GRID2: variants seen among roughly 807,000 people sequenced by gnomAD.
GRID2 encodes glutamate receptor ionotropic, delta-2.
GRID2 carries 33 observed loss-of-function variants against 114.8 expected under a neutral mutation model. That is an observed-to-expected ratio of 0.29 (90% CI 0.22 to 0.38). The LOEUF (loss-of-function observed/expected upper bound fraction) is 0.38. Among genes scored for constraint, GRID2 ranks in the 10% least tolerant of loss-of-function variants. The pLI is 1.00. For synonymous variants in GRID2, 505 were observed against 449.9 expected (o/e 1.12, Z -1.55); for missense variants, 1,184 against 1,257.7 (o/e 0.94, Z 0.89).
intron 1 of GRID2, among the ~76,000 whole-genome samples, chr4:92,379,960 T>C (rs1729536356): frequency 6.6e-6 from 1 of 151,972 alleles, no homozygotes; most frequent in East Asian, 1.9e-4. Flanking sequence ...TACTTGTTGC[T>C]TTGGAGAAGA....
At chr4:93,102,777 G>C (rs1189131820) in intron 3 of GRID2, among the ~76,000 whole-genome samples, 7 of 150,648 alleles carry the variant, frequency 4.6e-5, no homozygotes, top group Non-Finnish European at 1.0e-4. Flanking sequence ...GTATAACCCT[G>C]TTAACTTAGA....
chr4:93,683,344 A>G (rs1397619198), intron 14 of GRID2, among the ~76,000 whole-genome samples: 5 of 152,088 alleles, frequency 3.3e-5, no homozygotes. Flanking sequence ...TAGCAGATGC[A>G]AGGTTAAATG....
At chr4:92,886,402 A>T (rs147221403) in intron 2 of GRID2, among the ~76,000 whole-genome samples, 3 of 152,112 alleles carry the variant, frequency 2.0e-5, no homozygotes, top group African/African-American at 7.2e-5. Context: ...GGCACAATAG[A>T]TTTTTAGATG....
chr4:93,798,116 G>A (rs775271205), intron 1 of GRID2, among the ~76,000 whole-genome samples: 2 of 152,188 alleles, frequency 1.3e-5, no homozygotes, highest in East Asian at 1.9e-4. Flanking sequence ...TCGCACCATC[G>A]CAATCCAGCC....
intron 8 of GRID2, among the ~76,000 whole-genome samples, chr4:93,365,586 G>A (rs1274274932): frequency 6.6e-6 from 1 of 152,078 alleles, no homozygotes; most frequent in African/African-American, 2.4e-5. Flanking sequence ...CCTTACGGTG[G>A]TTTCTGCTTT....
At chr4:92,840,864 G>T (rs1011919666) in intron 2 of GRID2, among the ~76,000 whole-genome samples, 1 of 151,978 alleles carries the variant, frequency 6.6e-6, no homozygotes, top group African/African-American at 2.4e-5. Context: ...AATAAATGTA[G>T]TATTTTTGTT....
At chr4:93,021,585 AT>A (rs1578772812) in intron 2 of GRID2, among the ~76,000 whole-genome samples, 1 of 145,796 alleles carries the variant, frequency 6.9e-6, no homozygotes, top group Admixed American at 6.9e-5. Context: ...ATATTATATA[AT>A]TTTTATCTTA....
At chr4:93,738,798 TTATAA>T (rs747608832) in intron 14 of GRID2, among the ~76,000 whole-genome samples, 3 of 152,058 alleles carry the variant, frequency 2.0e-5, no homozygotes, top group Non-Finnish European at 2.9e-5. Flanking sequence ...AGAAAGATTA[TTATAA>T]TATGATTATT....
chr4:92,629,089 A>G (rs534700776), intron 2 of GRID2, among the ~76,000 whole-genome samples: 1 of 152,124 alleles, frequency 6.6e-6, no homozygotes, highest in African/African-American at 2.4e-5. Flanking sequence ...TGAAAAAACG[A>G]TACAAAATAC....
At chr4:92,829,465 A>G (rs1741951182) in intron 2 of GRID2, among the ~76,000 whole-genome samples, 1 of 152,186 alleles carries the variant, frequency 6.6e-6, no homozygotes, top group South Asian at 2.1e-4. Context: ...ATTGAGAAAT[A>G]GGAACACCTT....
intron 2 of GRID2, among the ~76,000 whole-genome samples, chr4:92,602,348 A>T (rs1251217955): frequency 6.6e-6 from 1 of 152,212 alleles, no homozygotes; most frequent in Non-Finnish European, 1.5e-5. Flanking sequence ...CAGAAAGCTT[A>T]TCCACAATGA....
At chr4:92,983,107 G>A (rs1384125311) in intron 2 of GRID2, among the ~76,000 whole-genome samples, 3 of 152,092 alleles carry the variant, frequency 2.0e-5, no homozygotes, top group Non-Finnish European at 4.4e-5. Flanking sequence ...ATTCCTATCT[G>A]GGAGTGGATG....
intron 2 of GRID2, among the ~76,000 whole-genome samples, chr4:92,987,469 C>A (rs1349066614): frequency 6.6e-6 from 1 of 151,846 alleles, no homozygotes; most frequent in African/African-American, 2.4e-5. Context: ...AGAGGGATAG[C>A]ATTAGGGAGA....
intron 13 of GRID2, among the ~76,000 whole-genome samples, chr4:93,565,065 C>T (rs1377975458): frequency 6.6e-6 from 1 of 151,866 alleles, no homozygotes; most frequent in Non-Finnish European, 1.5e-5. Context: ...TGCAATTGAA[C>T]TGTCAAATTA....
At chr4:92,573,359 G>C (rs1373529500) in intron 1 of GRID2, among the ~76,000 whole-genome samples, 2 of 151,772 alleles carry the variant, frequency 1.3e-5, no homozygotes, top group African/African-American at 4.8e-5. Flanking sequence ...TGCTAGCATT[G>C]GGGTTTGTTT....
intron 1 of GRID2, among the ~76,000 whole-genome samples, chr4:92,490,348 C>T (rs916825765): frequency 3.3e-5 from 5 of 152,072 alleles, no homozygotes; most frequent in Non-Finnish European, 4.4e-5. Context: ...TTTGTAAAAC[C>T]TGGAATGCCA....
chr4:93,129,510 G>C (rs983082001), intron 4 of GRID2, among the ~76,000 whole-genome samples: 1 of 152,010 alleles, frequency 6.6e-6, no homozygotes, highest in Non-Finnish European at 1.5e-5. Flanking sequence ...ATGTGGCCTG[G>C]AGACTAGTGC....
chr4:93,462,935 A>G (rs1175009524), intron 11 of GRID2, among the ~76,000 whole-genome samples: 1 of 152,162 alleles, frequency 6.6e-6, no homozygotes, highest in Non-Finnish European at 1.5e-5. Flanking sequence ...GTAATTCCCC[A>G]TGACAGGTTA....
intron 2 of GRID2, among the ~76,000 whole-genome samples, chr4:93,020,284 C>T (rs758371514): frequency 2.6e-5 from 4 of 152,002 alleles, no homozygotes; most frequent in Admixed American, 6.6e-5. Context: ...TGGTCTGTTC[C>T]GACATCCCTA....
Sources: allele counts gnomAD v4.1 joint callset (sites outside exome capture counted in the v4.1 genomes callset), GRCh38; gene constraint gnomAD v4.1.1; transcripts MANE v1.5; gene names NCBI Gene and HGNC (gene_info 2026-07-23, HGNC 2026-07-21).